CTNNA2: variants seen among roughly 807,000 people sequenced by gnomAD.
CTNNA2 encodes the protein catenin alpha-2.
Under a neutral mutation model 101.0 loss-of-function variants are expected in CTNNA2, and 42 were observed. The ratio of observed to expected loss-of-function variants is 0.42; its 90% CI spans 0.32 to 0.54. The LOEUF is 0.54. CTNNA2 is among the 20% of genes least tolerant of loss of function. The pLI, the probability that CTNNA2 is intolerant of heterozygous loss-of-function variation, is 0.14. For missense variants in CTNNA2, 871 were observed against 1,223.1 expected, an observed-to-expected ratio of 0.71 and a Z score of 4.29; for synonymous variants, 450 against 456.4, an observed-to-expected ratio of 0.99 and a Z score of 0.18.
At chr2:80,555,304 C>G (rs1288590983) in intron 11 of CTNNA2, among the ~76,000 whole-genome samples, 1 of 152,156 alleles carries the variant, frequency 6.6e-6, no homozygotes, top group Non-Finnish European at 1.5e-5. Flanking sequence ...AAGGCCCTGT[C>G]GTGTGTAAGT....
At chr2:79,275,859 G>A (rs1306400110) in intron 2 of CTNNA2, among the ~76,000 whole-genome samples, 3 of 151,926 alleles carry the variant, frequency 2.0e-5, no homozygotes, top group African/African-American at 7.3e-5. Context: ...CAGAGGGGAG[G>A]GGCAGACATC....
chr2:79,679,133 G>T (rs913286226), intron 2 of CTNNA2, among the ~76,000 whole-genome samples: 13 of 152,142 alleles, frequency 8.5e-5, no homozygotes, highest in African/African-American at 3.1e-4. Context: ...TTATAAAACT[G>T]TGTTTCGCCT....
intron 6 of CTNNA2, among the ~76,000 whole-genome samples, chr2:79,893,911 C>G (rs1684477444): frequency 6.6e-6 from 1 of 152,142 alleles, no homozygotes; most frequent in African/African-American, 2.4e-5. Context: ...TATGTAACAT[C>G]TGAATTTGAA....
Position 79,668,226 on chromosome 2 carries a change from G to A in CTNNA2, c.102+16568G>A, listed in dbSNP as rs187393668. Among the ~76,000 whole-genome samples, 126 of 114,578 alleles carry A rather than the reference G, an allele frequency of 1.1e-3. 1 individual carries two copies. Among genetic ancestry groups the A allele is most frequent in the Admixed American group, 5.4e-3 (42 of 7,710 alleles). 75.2% of individuals were successfully genotyped at this position (114,578 alleles called of 152,430 possible). ...CTGCAGTCCGCAGTCCGACCTGGGC[G>A]ACAGAGCGAGACTCCGTCTCAAAAA... On this transcript the variant is annotated intron_variant, in intron 2 of 18. Coordinates refer to ENST00000402739, the MANE Select transcript of CTNNA2 (RefSeq NM_001282597.3).
At chr2:80,066,106 T>C (rs942003396) in intron 7 of CTNNA2, among the ~76,000 whole-genome samples, 2 of 152,194 alleles carry the variant, frequency 1.3e-5, no homozygotes, top group Admixed American at 6.5e-5. Flanking sequence ...ATCCAGACTT[T>C]TGTTTAAAAT....
At chr2:79,988,466 A>ATGTGTGTGTGTGTG (rs70940067) in intron 7 of CTNNA2, among the ~76,000 whole-genome samples, 29 of 149,128 alleles carry the variant, frequency 1.9e-4, no homozygotes, top group African/African-American at 6.4e-4. Flanking sequence ...GTGTATGTGT[A>ATGTGTGTGTGTGTG]TGTGTGTGTG....
intron 7 of CTNNA2, among the ~76,000 whole-genome samples, chr2:80,320,601 G>T (rs1415241116): frequency 2.0e-5 from 3 of 152,122 alleles, no homozygotes; most frequent in African/African-American, 7.2e-5. Flanking sequence ...GATGAAGAGA[G>T]GCAACCTTAA....
chr2:79,603,014 G>C lies in CTNNA2; in HGVS notation c.-5-48538G>C, dbSNP rs572554043. 2.0e-4 allele frequency among the ~76,000 whole-genome samples: 30 copies of C among 152,140 alleles called. 1 individual carries two copies. Among genetic ancestry groups the C allele is most frequent in the African/African-American group, 6.7e-4 (28 of 41,510 alleles). On this transcript the variant is annotated intron_variant, in intron 1 of 18. Transcript: ENST00000402739. ...AAGATAGTCAAAATTTACTTTTCTC[G>C]TAAGGAGGCTTTATTTTAAAGCCAC... is the stretch of plus-strand genomic sequence containing the variant.
chr2:80,537,513 A>G (rs1046242063), intron 9 of CTNNA2, among the ~76,000 whole-genome samples: 1 of 152,084 alleles, frequency 6.6e-6, no homozygotes, highest in Middle Eastern at 3.4e-3. Flanking sequence ...GTCTTCCACA[A>G]TGGTTGAACT....
chr2:79,772,419 A>G (rs905582720), intron 3 of CTNNA2, among the ~76,000 whole-genome samples: 5 of 152,218 alleles, frequency 3.3e-5, no homozygotes, highest in African/African-American at 1.2e-4. Context: ...ACCTTAGAGA[A>G]GATGGCAAGA....
chr2:79,385,046 T>C (rs1300743870), intron 4 of CTNNA2, among the ~76,000 whole-genome samples: 1 of 152,216 alleles, frequency 6.6e-6, no homozygotes. Flanking sequence ...GACCTATGCA[T>C]AGAATGTCCA....
chr2:80,157,655 T>C lies in CTNNA2; in HGVS notation c.1057-235556T>C, dbSNP rs377617156. Among the ~76,000 whole-genome samples the C allele has an allele frequency of 1.9e-4, 29 of 152,116 alleles. 1 individual carries two copies. The East Asian group carries it at 4.6e-3, about 24-fold the overall frequency. ...CTGTCAGAATTAGGTCAAGGGAAGG[T>C]AGTTATTCTAATTTGCTAACACTTG... On this transcript the variant is annotated intron_variant, in intron 7 of 18. Coordinates refer to ENST00000402739, the MANE Select transcript of CTNNA2 (RefSeq NM_001282597.3).
chr2:80,327,021 C>A (rs1158765015), intron 7 of CTNNA2, among the ~76,000 whole-genome samples: 1 of 152,142 alleles, frequency 6.6e-6, no homozygotes, highest in East Asian at 1.9e-4. Context: ...CATTTATTTT[C>A]TCTCCTCCCA....
chr2:79,486,397 C>T (rs1671158215), intron 4 of CTNNA2, among the ~76,000 whole-genome samples: 1 of 152,080 alleles, frequency 6.6e-6, no homozygotes, highest in Non-Finnish European at 1.5e-5. Flanking sequence ...CTACAAAGGA[C>T]ATGAACTTAT....
At chr2:79,596,929 G>T (rs944539590) in intron 1 of CTNNA2, among the ~76,000 whole-genome samples, 1 of 152,136 alleles carries the variant, frequency 6.6e-6, no homozygotes, top group Non-Finnish European at 1.5e-5. Context: ...TTCCTGAAAG[G>T]TACTGGGGAA....
At chr2:79,215,451 C>T (rs1451790818) in intron 2 of CTNNA2, among the ~76,000 whole-genome samples, 5 of 152,070 alleles carry the variant, frequency 3.3e-5, no homozygotes, top group Admixed American at 6.6e-5. Context: ...TTGTACACCT[C>T]GAAGGTGAGG....
At chr2:79,753,886 T>C (rs1272549206) in intron 3 of CTNNA2, among the ~76,000 whole-genome samples, 1 of 147,554 alleles carries the variant, frequency 6.8e-6, no homozygotes. Context: ...TTTTTTTTTT[T>C]GAGATGGAGT....
At position 79,643,114 on chromosome 2, in the gene CTNNA2, T is replaced by G. The variant is rs140772797; in HGVS notation, c.-5-8438T>G. On this transcript the variant is annotated intron_variant, in intron 1 of 18. Transcript: ENST00000402739. ...GCTGAGGCAGGAGAATCGCTTGAAC[T>G]GGGGAGGCGGGGGTTGCAGTGAGCC... is the stretch of plus-strand genomic sequence containing the variant. Among the ~76,000 whole-genome samples the G allele has an allele frequency of 5.9e-3, 897 of 151,898 alleles. 8 individuals carry two copies. The highest frequency in any genetic ancestry group is 0.02 in the African/African-American group (848 of 41,412).
intron 3 of CTNNA2, among the ~76,000 whole-genome samples, chr2:79,786,524 G>A (rs75696989): frequency 0.019 from 2,861 of 151,762 alleles, 62 homozygotes; most frequent in South Asian, 0.12. Context: ...TGGGGGAATA[G>A]GCATTCTTTC....
Sources: gnomAD v4.1 joint callset for allele counts (sites outside exome capture counted in the v4.1 genomes callset) on GRCh38, gnomAD v4.1.1 for gene constraint, MANE v1.5 for transcripts, NCBI Gene and HGNC (gene_info 2026-07-23, HGNC 2026-07-21) for gene names.